SHANK2: variants seen among roughly 807,000 people sequenced by gnomAD.
SHANK2 encodes SH3 and multiple ankyrin repeat domains protein 2.
A neutral mutation model predicts 133.7 loss-of-function variants in SHANK2; 43 were observed. That is an observed-to-expected ratio of 0.32 (90% CI 0.25 to 0.41). The LOEUF (loss-of-function observed/expected upper bound fraction) is 0.41. Ranked by LOEUF, SHANK2 falls within the 10% of genes least tolerant of loss-of-function variation. SHANK2 has a pLI of 1.00. For synonymous variants in SHANK2, 1,017 were observed against 952.8 expected (o/e 1.07, Z -1.24); for missense variants, 1,994 against 2,235.8 (o/e 0.89, Z 2.18).
rs570729750 is a variant in SHANK2, at chr11:70,760,697, G to C, written c.1777+37746C>G. Reference sequence around the variant, plus strand: ...GGGAGCGGCTCGGGAAGGCCCCATGGTGGCTGCTCCCCTGAGCATTGCACA... The same window carrying C: ...GGGAGCGGCTCGGGAAGGCCCCATGCTGGCTGCTCCCCTGAGCATTGCACA... On this transcript the variant is annotated intron_variant, in intron 14 of 25. Transcript: ENST00000601538. 1.2e-3 allele frequency among the ~76,000 whole-genome samples: 186 copies of C among 152,350 alleles called. 1 individual carries two copies. Among genetic ancestry groups the C allele is most frequent in the African/African-American group, 4.1e-3 (172 of 41,578 alleles).
chr11:70,624,666 A>T (rs1213405393), intron 17 of SHANK2, among the ~76,000 whole-genome samples: 1 of 152,126 alleles, frequency 6.6e-6, no homozygotes, highest in African/African-American at 2.4e-5. Flanking sequence ...ACGTCTGGAG[A>T]CATTCTTGGT....
chr11:71,112,241 A>C (rs1450068830), intron 5 of SHANK2, among the ~76,000 whole-genome samples: 1 of 152,142 alleles, frequency 6.6e-6, no homozygotes, highest in Non-Finnish European at 1.5e-5. Context: ...TAAAAATACA[A>C]AATTAGCCAG....
At chr11:70,928,639 G>C (rs574481718) in intron 10 of SHANK2, among the ~76,000 whole-genome samples, 3 of 152,268 alleles carry the variant, frequency 2.0e-5, no homozygotes, top group African/African-American at 7.2e-5. Flanking sequence ...TGGGGGCATA[G>C]GAGGTGGTCC....
intron 15 of SHANK2, among the ~76,000 whole-genome samples, chr11:70,663,059 G>T (rs1944604181): frequency 6.6e-6 from 1 of 152,168 alleles, no homozygotes; most frequent in Non-Finnish European, 1.5e-5. Flanking sequence ...GGCTGTGTGT[G>T]AGCCTCGGGG....
At chr11:70,651,110 T>C (rs1450056322) in intron 17 of SHANK2, among the ~76,000 whole-genome samples, 17 of 152,210 alleles carry the variant, frequency 1.1e-4, no homozygotes, top group African/African-American at 3.4e-4. Context: ...CTGGATCATA[T>C]GGCACAGCCT....
intron 3 of SHANK2, among the ~76,000 whole-genome samples, chr11:71,119,848 C>T (rs373014436): frequency 1.1e-4 from 17 of 152,262 alleles, no homozygotes; most frequent in South Asian, 6.2e-4. Context: ...CCACAGCCCG[C>T]GCATATTTCA....
chr11:70,673,230 C>T lies in SHANK2; in HGVS notation c.1854-11552G>A, dbSNP rs148672167. Reference sequence around the variant, plus strand: ...CAGGTTTGCCCAGGGCACATGCCTCCACTAGCAGCAGGGCCAAGTCACACT... The same window carrying T: ...CAGGTTTGCCCAGGGCACATGCCTCTACTAGCAGCAGGGCCAAGTCACACT... On this transcript the variant is annotated intron_variant, in intron 15 of 25. Coordinates refer to ENST00000601538, the MANE Select transcript of SHANK2 (RefSeq NM_012309.5). 2.2e-3 allele frequency among the ~76,000 whole-genome samples: 330 copies of T among 152,162 alleles called. 1 individual carries two copies. The highest frequency in any genetic ancestry group is 3.3e-3 in the Non-Finnish European group (225 of 68,016).
At position 70,658,306 on chromosome 11, in the gene SHANK2, C is replaced by G. The variant is rs1014450612; in HGVS notation, c.2061+1522G>C. ...AGACACACACACACACACACACACA[C>G]AGACACACACACACGAAGGGGACTC... On this transcript the variant is annotated intron_variant, in intron 17 of 25. Coordinates refer to ENST00000601538, the MANE Select transcript of SHANK2 (RefSeq NM_012309.5). Among the ~76,000 whole-genome samples the G allele has an allele frequency of 7.3e-5, 9 of 123,480 alleles. No individual in the cohort carries two copies. In the South Asian group the frequency reaches 2.2e-3, roughly 30 times the overall value. 81.0% of individuals were successfully genotyped at this position (123,480 alleles called of 152,430 possible). A position where few individuals can be genotyped will look rare whatever the true frequency, so the allele number is the denominator to read the frequency against.
intron 2 of SHANK2, among the ~76,000 whole-genome samples, chr11:71,156,702 A>G (rs563643778): frequency 6.6e-6 from 1 of 152,348 alleles, no homozygotes; most frequent in African/African-American, 2.4e-5. Flanking sequence ...GGATAGAACA[A>G]AAACACACAG....
chr11:70,734,775 G>C (rs1466134693), intron 14 of SHANK2, among the ~76,000 whole-genome samples: 1 of 152,244 alleles, frequency 6.6e-6, no homozygotes, highest in Non-Finnish European at 1.5e-5. Flanking sequence ...CATAGCCACA[G>C]GAATGGCTGC....
intron 11 of SHANK2, among the ~76,000 whole-genome samples, chr11:70,834,896 A>T (rs1948788518): frequency 6.6e-6 from 1 of 151,758 alleles, no homozygotes; most frequent in African/African-American, 2.4e-5. Context: ...CCCTGGTTGG[A>T]GAGCTGAAAG....
At chr11:70,554,949 A>G (rs1302993169) in intron 17 of SHANK2, among the ~76,000 whole-genome samples, 1 of 148,032 alleles carries the variant, frequency 6.8e-6, no homozygotes, top group Non-Finnish European at 1.5e-5. Flanking sequence ...CCCCACAGAG[A>G]GTCAGCCCAT....
intron 10 of SHANK2, among the ~76,000 whole-genome samples, chr11:70,946,886 A>C (rs142839813): frequency 0.012 from 1,264 of 109,216 alleles, 33 homozygotes; most frequent in African/African-American, 0.043. Flanking sequence ...CCCAGGCTCA[A>C]CCTCCCTCTC....
intron 10 of SHANK2, among the ~76,000 whole-genome samples, chr11:70,939,004 C>T (rs1950607972): frequency 6.6e-6 from 1 of 152,008 alleles, no homozygotes; most frequent in Non-Finnish European, 1.5e-5. Flanking sequence ...CACTAGGGCG[C>T]CGGAACTATG....
At chr11:71,173,565 T>G (rs1472459093) in intron 2 of SHANK2, among the ~76,000 whole-genome samples, 3 of 152,264 alleles carry the variant, frequency 2.0e-5, no homozygotes, top group Admixed American at 6.5e-5. Context: ...CTAGGAGGAC[T>G]TCCACTGCAA....
chr11:70,736,728 G>A (rs528049450), intron 14 of SHANK2, among the ~76,000 whole-genome samples: 62 of 152,218 alleles, frequency 4.1e-4, no homozygotes, highest in Non-Finnish European at 4.3e-4. Flanking sequence ...AGAGTCACAC[G>A]GCTTCATTCC....
intron 10 of SHANK2, among the ~76,000 whole-genome samples, chr11:70,935,676 G>A (rs782702954): frequency 1.5e-4 from 23 of 152,192 alleles, no homozygotes; most frequent in Non-Finnish European, 3.1e-4. Context: ...CATGTGCCGG[G>A]CCCCGAGTGG....
At chr11:70,616,132 G>A (rs1312410015) in intron 17 of SHANK2, among the ~76,000 whole-genome samples, 4 of 152,166 alleles carry the variant, frequency 2.6e-5, no homozygotes, top group Non-Finnish European at 5.9e-5. Flanking sequence ...TCAGGATGGG[G>A]GGCACATGAG....
chr11:70,765,386 T>G (rs1471517536), intron 14 of SHANK2, among the ~76,000 whole-genome samples: 2 of 152,176 alleles, frequency 1.3e-5, no homozygotes, highest in African/African-American at 4.8e-5. Flanking sequence ...CTTATGTGAC[T>G]ACTAAAACAG....
Sources: gnomAD v4.1 joint callset for allele counts (sites outside exome capture counted in the v4.1 genomes callset) on GRCh38, gnomAD v4.1.1 for gene constraint, MANE v1.5 for transcripts, NCBI Gene and HGNC (gene_info 2026-07-23, HGNC 2026-07-21) for gene names.